The following RPS27A variants were observed in gnomAD, a reference collection of about 807,000 sequenced individuals.
RPS27A encodes the protein ubiquitin-ribosomal protein eS31 fusion protein.
Under a neutral mutation model 18.9 loss-of-function variants are expected in RPS27A, and 1 was observed. That is an observed-to-expected ratio of 0.05 (90% CI 0.02 to 0.25). The LOEUF is 0.25. Ranked by LOEUF, RPS27A falls within the 10% of genes least tolerant of loss-of-function variation. The pLI, the probability that RPS27A is intolerant of heterozygous loss-of-function variation, is 1.00. For synonymous variants in RPS27A, 77 were observed against 63.7 expected, an observed-to-expected ratio of 1.21 and a Z score of -0.99; for missense variants, 123 against 187.4, an observed-to-expected ratio of 0.66 and a Z score of 2.01.
chr2:55,234,460 C>G, intron 4 of RPS27A: 1 of 566,502 alleles, frequency 1.8e-6, no homozygotes, highest in South Asian at 2.1e-5. Context: ...CCGTGGCCTC[C>G]CAGCGCTGGG....
intron 5 of RPS27A, 128 bp from the exon 6 acceptor site, chr2:55,235,300 G>A (rs905071622): frequency 9.7e-7 from 1 of 1,028,078 alleles, no homozygotes. Flanking sequence ...AGAATTTAGG[G>A]TGCTTTGGTT....
chr2:55,232,737 G>T lies in RPS27A; in HGVS notation c.-18+29G>T, dbSNP rs1042747350. Reference sequence around the variant, plus strand: ...GGTGTCTGCACTTCGGCTGCTCTCGGGTTAGCACCCTATGGTGCCTTCTCT... The same window carrying T: ...GGTGTCTGCACTTCGGCTGCTCTCGTGTTAGCACCCTATGGTGCCTTCTCT... On this transcript the variant is annotated intron_variant, in intron 1 of 5. Transcript: ENST00000272317. The T allele has an allele frequency of 3.2e-6, 4 of 1,247,050 alleles. No homozygotes were observed. The African/African-American group carries it at 4.4e-5, about 14-fold the overall frequency. The allele number at this position is 1,247,050 out of a possible 1,614,324, so 77.2% of individuals were successfully genotyped here.
intron 1 of RPS27A, 27 bp from the exon 2 acceptor site, chr2:55,232,781 C>T (rs761117878): frequency 6.3e-7 from 1 of 1,580,518 alleles, no homozygotes; most frequent in South Asian, 1.1e-5. Flanking sequence ...CTGACCTAAC[C>T]TGTCTCTTCC....
chr2:55,234,165 G>A lies in RPS27A; in HGVS notation c.150G>A (p.Leu50=), dbSNP rs140629236. 1,710 of 1,613,552 alleles carry A rather than the reference G, an allele frequency of 1.1e-3. 5 individuals carry two copies. The highest frequency in any genetic ancestry group is 3.3e-3 in the Middle Eastern group (20 of 6,052). ...GACTGATCTTTGCTGGCAAGCAGCTGGAAGATGGACGTACTTTGTCTGACT... is the reference window on the plus strand; with the variant it reads ...GACTGATCTTTGCTGGCAAGCAGCTAGAAGATGGACGTACTTTGTCTGACT... ...QQRLIFAGKQ[L]EDGRTLSDYN... is the part of the protein sequence containing the mutation. Residue 50 remains leucine (L), a synonymous_variant, in exon 4 of 6, where the codon CTG becomes CTA. Transcript: ENST00000272317.
rs1339807688 is a variant in RPS27A, at chr2:55,235,734, A to T, written c.*157A>T. ...GAATGTTGCCTCTGGGGATTATGTG[A>T]CCCAGTGGTTCTGTATACCTGCCAG... On this transcript the variant is annotated 3_prime_UTR_variant, in exon 6 of 6. Transcript: ENST00000272317. The T allele has an allele frequency of 1.3e-5, 11 of 854,600 alleles. No homozygotes were observed. The highest frequency in any genetic ancestry group is 3.3e-5 in the African/African-American group (2 of 60,040). The allele number at this position is 854,600 out of a possible 1,614,324, so 52.9% of individuals were successfully genotyped here.
intron 3 of RPS27A, chr2:55,233,629 CTTATT>C (rs1675619963): frequency 1.7e-6 from 1 of 579,746 alleles, no homozygotes; most frequent in African/African-American, 1.9e-5. Flanking sequence ...AATTTGGACA[CTTATT>C]TATTTATTTT....
rs1267694569 is a variant in RPS27A at position 55,234,692 on chromosome 2, CT to C, written c.190-136del. Reference sequence around the variant, plus strand: ...TAAACTGTCAGTTAAGAATCTGATACTTTATTGGGTTTGGGGGCTGCAAGAT... The same window carrying C: ...TAAACTGTCAGTTAAGAATCTGATACTTATTGGGTTTGGGGGCTGCAAGAT... On this transcript the variant is annotated intron_variant, in intron 4 of 5. Coordinates refer to ENST00000272317, the MANE Select transcript of RPS27A (RefSeq NM_002954.6). 1.7e-5 allele frequency: 16 copies of C among 929,686 alleles called. No homozygotes were observed. In the East Asian group the frequency reaches 3.9e-4, roughly 23 times the overall value. The allele number at this position is 929,686 out of a possible 1,614,324, so 57.6% of individuals were successfully genotyped here.
intron 4 of RPS27A, 94 bp from the exon 5 acceptor site, chr2:55,234,737 G>A: frequency 1.4e-6 from 2 of 1,409,442 alleles, no homozygotes; most frequent in Admixed American, 3.5e-5. Context: ...ATGTTATTGT[G>A]TGCTGCTACT....
chr2:55,234,713 C>T, intron 4 of RPS27A, 118 bp from the exon 5 acceptor site: 2 of 1,211,636 alleles, frequency 1.7e-6, no homozygotes, highest in East Asian at 2.5e-5. Context: ...TTGGGGGCTG[C>T]AAGATTCCCT....
At chr2:55,234,692 C>A in intron 4 of RPS27A, 139 bp from the exon 5 acceptor site, 2 of 929,682 alleles carry the variant, frequency 2.2e-6, no homozygotes, top group Non-Finnish European at 3.4e-6. Context: ...GAATCTGATA[C>A]TTTATTGGGT....
Position 55,235,418 on chromosome 2 carries a change from T to C in RPS27A, c.322-10T>C, listed in dbSNP as rs762246562. 2.5e-6 allele frequency: 4 copies of C among 1,611,968 alleles called. No homozygotes were observed. The highest frequency in any genetic ancestry group is 8.5e-7 in the Non-Finnish European group (1 of 1,179,812). ...TAAAATTATCTTAACAGCAGGTTTG[T>C]GCTTTTCAGGTGGATGAGAATGGCA... On this transcript the variant is annotated splice_polypyrimidine_tract_variant and intron_variant, in intron 5 of 5. Coordinates refer to ENST00000272317, the MANE Select transcript of RPS27A (RefSeq NM_002954.6).
Position 55,233,489 on chromosome 2 carries a change from C to G in RPS27A, c.103+72C>G. On this transcript the variant is annotated intron_variant, in intron 3 of 5. Coordinates refer to ENST00000272317, the MANE Select transcript of RPS27A (RefSeq NM_002954.6). ...GGCCTACCTGTAGGTGCTAGACATACCTGCTCTTGGTGATGGGGGAAGGGG... is the reference window on the plus strand; with the variant it reads ...GGCCTACCTGTAGGTGCTAGACATAGCTGCTCTTGGTGATGGGGGAAGGGG... 3 of 1,057,118 alleles carry G rather than the reference C, an allele frequency of 2.8e-6. No individual in the cohort carries two copies. The South Asian group carries it at 3.8e-5, about 13-fold the overall frequency. The allele number at this position is 1,057,118 out of a possible 1,614,324, so 65.5% of individuals were successfully genotyped here. A position where few individuals can be genotyped will look rare whatever the true frequency, so the allele number is the denominator to read the frequency against.
At chr2:55,234,294 C>G in intron 4 of RPS27A, 90 bp downstream of exon 4, 2 of 920,244 alleles carry the variant, frequency 2.2e-6, no homozygotes, top group East Asian at 2.6e-5. Context: ...GGCTCTGACT[C>G]TGTCACCTAG....
At position 55,235,118 on chromosome 2, in the gene RPS27A, TC is replaced by T. The variant is rs1675722199; in HGVS notation, c.321+157del. 21 of 875,818 alleles carry T rather than the reference TC, an allele frequency of 2.4e-5. No homozygotes were observed. The South Asian group carries it at 3.1e-4, about 13-fold the overall frequency. The allele number at this position is 875,818 out of a possible 1,614,324, so 54.3% of individuals were successfully genotyped here. On this transcript the variant is annotated intron_variant, in intron 5 of 5. Transcript: ENST00000272317. The stretch of plus-strand genomic sequence containing the variant: ...TTCTGGAAATGAGAAATTCAGACTT[TC>T]TGGGGTTTTTCCTGTTTGGTATTTG...
chr2:55,232,563 G>C, upstream of RPS27A: 1 of 564,450 alleles, frequency 1.8e-6, no homozygotes, highest in South Asian at 2.0e-5. Context: ...CGAAGTTCAC[G>C]TCCTAGTCTG....
upstream of RPS27A, chr2:55,232,674 G>C: frequency 1.3e-6 from 1 of 757,122 alleles, no homozygotes; most frequent in Non-Finnish European, 2.3e-6. Context: ...CCGTGGGCCT[G>C]CGCGGCGTTC....
In RPS27A at chr2:55,234,171, T is replaced by C. The variant is rs766567875; in HGVS notation, c.156T>C (p.Asp52=). The change falls in exon 4 of 6, where the codon GAT becomes GAC. Residue 52 remains aspartate, a synonymous_variant. Coordinates refer to ENST00000272317, the MANE Select transcript of RPS27A (RefSeq NM_002954.6). ...TCTTTGCTGGCAAGCAGCTGGAAGA[T>C]GGACGTACTTTGTCTGACTACAATA... The part of the protein sequence containing the change: ...RLIFAGKQLE[D]GRTLSDYNIQ... 1.9e-6 allele frequency: 3 copies of C among 1,612,584 alleles called. No homozygotes were observed. The highest frequency in any genetic ancestry group is 4.5e-5 in the East Asian group (2 of 44,900).
intron 4 of RPS27A, 175 bp downstream of exon 4, chr2:55,234,379 A>G (rs1364513997): frequency 4.7e-6 from 3 of 633,902 alleles, no homozygotes; most frequent in African/African-American, 3.7e-5. Flanking sequence ...AGCCTCCTGT[A>G]GTTGGAACTA....
upstream of RPS27A, chr2:55,232,662 C>G (rs775197087): frequency 1.1e-4 from 79 of 725,314 alleles, no homozygotes; most frequent in South Asian, 2.4e-4. Context: ...CTCCGGGAAA[C>G]CCCGTGGGCC....
Sources: allele counts gnomAD v4.1 joint callset, GRCh38; gene constraint gnomAD v4.1.1; transcripts MANE v1.5; gene names NCBI Gene and HGNC (gene_info 2026-07-23, HGNC 2026-07-21).